BTBD9: variants seen among roughly 807,000 people sequenced by gnomAD.
BTBD9 encodes the protein BTB/POZ domain-containing protein 9.
BTBD9 carries 49 observed loss-of-function variants against 64.3 expected under a neutral mutation model. That is an observed-to-expected ratio of 0.76 (90% CI 0.61 to 0.97). The LOEUF (loss-of-function observed/expected upper bound fraction) is 0.97. BTBD9 is among the 50% of genes least tolerant of loss of function. The probability of loss-of-function intolerance (pLI) is 0.00; values close to 1 mark genes in which losing one functional copy is unlikely to be tolerated. For missense variants in BTBD9, 598 were observed against 762.1 expected (o/e 0.78, Z 2.53); for synonymous variants, 260 against 274.7 (o/e 0.95, Z 0.53).
At chr6:38,215,946 A>G (rs1039461810) in intron 9 of BTBD9, among the ~76,000 whole-genome samples, 3 of 152,278 alleles carry the variant, frequency 2.0e-5, no homozygotes, top group Admixed American at 2.0e-4. Flanking sequence ...CCATTGTTCC[A>G]TTCCATCCCT....
chr6:38,571,110 A>G (rs770418102), intron 6 of BTBD9, among the ~76,000 whole-genome samples: 1 of 152,256 alleles, frequency 6.6e-6, no homozygotes, highest in Non-Finnish European at 1.5e-5. Flanking sequence ...TTTTTAAAAA[A>G]TGAAACTAAT....
In BTBD9 at chr6:38,470,936, C is replaced by T. The variant is rs143484607; in HGVS notation, c.1154+106664G>A. On this transcript the variant is annotated intron_variant, in intron 6 of 10. Transcript: ENST00000481247. ...TGCTGCTTCTTTAACATGCACTGAACGAAGTAGTAAATTAGAAAAGAGCAG... is the reference window on the plus strand; with the variant it reads ...TGCTGCTTCTTTAACATGCACTGAATGAAGTAGTAAATTAGAAAAGAGCAG... Among the ~76,000 whole-genome samples the T allele has an allele frequency of 2.3e-3, 357 of 152,242 alleles. 3 individuals are homozygous for T. Among genetic ancestry groups the T allele is most frequent in the African/African-American group, 8.1e-3 (337 of 41,548 alleles).
intron 7 of BTBD9, among the ~76,000 whole-genome samples, chr6:38,337,988 G>GT (rs1763958451): frequency 6.6e-6 from 1 of 152,278 alleles, no homozygotes; most frequent in Admixed American, 6.5e-5. Context: ...CGGTGTTTCT[G>GT]TTCAGATAGC....
At chr6:38,298,718 C>T (rs1383572333) in intron 7 of BTBD9, among the ~76,000 whole-genome samples, 2 of 152,140 alleles carry the variant, frequency 1.3e-5, no homozygotes, top group Non-Finnish European at 2.9e-5. Context: ...TTACTCTCTA[C>T]CTCCATGAGA....
Position 38,628,688 on chromosome 6 carries a change from T to C in BTBD9, c.-28+11112A>G, listed in dbSNP as rs575790374. Among the ~76,000 whole-genome samples the C allele has an allele frequency of 2.0e-5, 3 of 152,160 alleles. 1 individual carries two copies. Among genetic ancestry groups the C allele is most frequent in the Non-Finnish European group, 4.4e-5 (3 of 68,020 alleles). Reference sequence around the variant, plus strand: ...AACTGAAGGTGTCAGTATGAACTCATGGTTTTTAATATAGATATACAAAAA... The same window carrying C: ...AACTGAAGGTGTCAGTATGAACTCACGGTTTTTAATATAGATATACAAAAA... On this transcript the variant is annotated intron_variant, in intron 1 of 10. Coordinates refer to ENST00000481247, the MANE Select transcript of BTBD9 (RefSeq NM_001099272.2).
chr6:38,288,563 T>C (rs1387679337), intron 7 of BTBD9, 102 bp from the exon 8 acceptor site: 9 of 893,836 alleles, frequency 1.0e-5, no homozygotes, highest in Middle Eastern at 2.2e-4. Flanking sequence ...CTCAAATCAA[T>C]GATAAAAGAA....
Position 38,261,718 on chromosome 6 carries a change from C to G in BTBD9, c.1455-5202G>C, listed in dbSNP as rs1460211490. ...TCACTAATTTATTCTGGCCTAAATT[C>G]TTTTTTTCTGAACAGCAGCCAAGTG... On this transcript the variant is annotated intron_variant, in intron 8 of 10. Coordinates refer to ENST00000481247, the MANE Select transcript of BTBD9 (RefSeq NM_001099272.2). Among the ~76,000 whole-genome samples, 3 of 152,160 alleles carry G rather than the reference C, an allele frequency of 2.0e-5. No individual in the cohort carries two copies. In the East Asian group the frequency reaches 5.8e-4, roughly 29 times the overall value.
At chr6:38,518,165 GC>G (rs1773122783) in intron 6 of BTBD9, among the ~76,000 whole-genome samples, 2 of 151,928 alleles carry the variant, frequency 1.3e-5, no homozygotes, top group Non-Finnish European at 2.9e-5. Context: ...TCTTTAATGT[GC>G]CCCCCACCCC....
At chr6:38,196,108 A>G (rs916513336) in intron 9 of BTBD9, among the ~76,000 whole-genome samples, 5 of 152,248 alleles carry the variant, frequency 3.3e-5, no homozygotes, top group Non-Finnish European at 7.3e-5. Context: ...TCAAGACAGC[A>G]GGCTTTACTC....
At chr6:38,526,944 C>T (rs998530574) in intron 6 of BTBD9, among the ~76,000 whole-genome samples, 2 of 151,982 alleles carry the variant, frequency 1.3e-5, no homozygotes, top group South Asian at 2.1e-4. Flanking sequence ...TGAGTTAAGA[C>T]TTTGGGGGAC....
intron 7 of BTBD9, among the ~76,000 whole-genome samples, chr6:38,328,446 T>C (rs1763524790): frequency 6.6e-6 from 1 of 152,066 alleles, no homozygotes; most frequent in Non-Finnish European, 1.5e-5. Context: ...AAGGTGGCCA[T>C]TTACATGCCA....
chr6:38,486,758 G>C (rs990797674), intron 6 of BTBD9, among the ~76,000 whole-genome samples: 2 of 152,144 alleles, frequency 1.3e-5, no homozygotes, highest in Non-Finnish European at 1.5e-5. Context: ...ATGTGACATA[G>C]GCACACAAGT....
At chr6:38,486,615 T>TC (rs1771439854) in intron 6 of BTBD9, among the ~76,000 whole-genome samples, 1 of 152,222 alleles carries the variant, frequency 6.6e-6, no homozygotes, top group African/African-American at 2.4e-5. Flanking sequence ...TCTATTAAAT[T>TC]CTGTCTTCTA....
chr6:38,621,203 T>C lies in BTBD9; in HGVS notation c.-28+18597A>G, dbSNP rs184882544. Among the ~76,000 whole-genome samples the C allele has an allele frequency of 2.8e-3, 433 of 152,306 alleles. 5 individuals are homozygous for C. The highest frequency in any genetic ancestry group is 9.3e-3 in the African/African-American group (388 of 41,570). ...ACTACTCATGATGTAAATGGCATACTAGGTGCCAAAGGAAATTTATGGCTA... is the reference window on the plus strand; with the variant it reads ...ACTACTCATGATGTAAATGGCATACCAGGTGCCAAAGGAAATTTATGGCTA... On this transcript the variant is annotated intron_variant, in intron 1 of 10. Transcript: ENST00000481247.
At chr6:38,541,849 T>C (rs1774294331) in intron 6 of BTBD9, among the ~76,000 whole-genome samples, 3 of 152,340 alleles carry the variant, frequency 2.0e-5, no homozygotes, top group African/African-American at 7.2e-5. Flanking sequence ...AAGTTTAATA[T>C]AAAGTCAGCC....
intron 4 of BTBD9, among the ~76,000 whole-genome samples, chr6:38,580,679 T>C (rs1200808600): frequency 6.6e-6 from 1 of 151,722 alleles, no homozygotes. Flanking sequence ...GTGGATCACT[T>C]GAGCCCAGGA....
intron 1 of BTBD9, among the ~76,000 whole-genome samples, chr6:38,624,399 G>T (rs1462612012): frequency 6.6e-6 from 1 of 152,064 alleles, no homozygotes; most frequent in Non-Finnish European, 1.5e-5. Context: ...ATCTTTAAGA[G>T]CTGTAACACT....
At chr6:38,444,371 A>G (rs1212982423) in intron 6 of BTBD9, among the ~76,000 whole-genome samples, 1 of 152,218 alleles carries the variant, frequency 6.6e-6, no homozygotes, top group Non-Finnish European at 1.5e-5. Context: ...ATATGGCTGG[A>G]TGGAAATTTC....
chr6:38,210,484 CTG>C (rs1762791371), intron 9 of BTBD9, among the ~76,000 whole-genome samples: 1 of 151,724 alleles, frequency 6.6e-6, no homozygotes, highest in Non-Finnish European at 1.5e-5. Context: ...GTGTTTCTTC[CTG>C]TCTCTGTATT....
Sources: gnomAD v4.1 joint callset for allele counts (sites outside exome capture counted in the v4.1 genomes callset) on GRCh38, gnomAD v4.1.1 for gene constraint, MANE v1.5 for transcripts, NCBI Gene and HGNC (gene_info 2026-07-23, HGNC 2026-07-21) for gene names.